The following TTLL7 variants were observed in gnomAD, a reference collection of about 807,000 sequenced individuals.
TTLL7 encodes tubulin tyrosine ligase like 7.
In TTLL7, 53 loss-of-function variants were observed where a neutral mutation model predicts 120.2. The observed-to-expected ratio is 0.44, with a 90% confidence interval of 0.35 to 0.55. TTLL7 has a LOEUF of 0.55. Among genes scored for constraint, TTLL7 ranks in the 20% least tolerant of loss-of-function variants. The pLI, the probability that TTLL7 is intolerant of heterozygous loss-of-function variation, is 0.00. For missense variants in TTLL7, 803 were observed against 1,054.7 expected (o/e 0.76, Z 3.31); for synonymous variants, 353 against 351.7 (o/e 1.00, Z -0.04).
At chr1:83,925,958 T>C (rs1659071465) in intron 10 of TTLL7, among the ~76,000 whole-genome samples, 1 of 151,794 alleles carries the variant, frequency 6.6e-6, no homozygotes, top group Non-Finnish European at 1.5e-5. Flanking sequence ...CCGTCTCTAC[T>C]AAAAATACAA....
At chr1:83,968,582 A>C (rs922483956) in intron 1 of TTLL7, among the ~76,000 whole-genome samples, 3 of 152,084 alleles carry the variant, frequency 2.0e-5, no homozygotes, top group African/African-American at 4.8e-5. Context: ...ACTCAAAGTC[A>C]CCTAGGATAC....
intron 1 of TTLL7, among the ~76,000 whole-genome samples, chr1:83,998,694 C>T (rs1240894380): frequency 6.6e-6 from 1 of 152,056 alleles, no homozygotes; most frequent in Non-Finnish European, 1.5e-5. Context: ...AGCAACTGAC[C>T]CCGTCCCCTC....
chr1:83,955,934 A>C (rs1479573744), intron 1 of TTLL7, among the ~76,000 whole-genome samples: 1 of 152,164 alleles, frequency 6.6e-6, no homozygotes, highest in Non-Finnish European at 1.5e-5. Flanking sequence ...TAGGGAGGTC[A>C]AGGCTGCAGT....
In TTLL7 at chr1:83,929,147, T is replaced by G; in HGVS notation, c.1131A>C (p.Leu377=). 6.2e-7 allele frequency: 1 copy of G among 1,609,548 alleles called. No homozygotes were observed. Among genetic ancestry groups the G allele is most frequent in the Non-Finnish European group, 8.5e-7 (1 of 1,176,876 alleles). The change falls in exon 10 of 21, where the codon CTA becomes CTC. Residue 377 remains leucine, a synonymous_variant. Transcript: ENST00000260505. ...KRGVLLNALK[L]LNIRTSDKRR... ...AGAGAGTATTTTACCTTATGTTTAG[T>G]AGCTTCAACGCATTTAGCAGCACTC...
chr1:83,992,331 A>G (rs1653075668), intron 1 of TTLL7, among the ~76,000 whole-genome samples: 1 of 152,266 alleles, frequency 6.6e-6, no homozygotes, highest in South Asian at 2.1e-4. Context: ...GTTGAAAAGT[A>G]TATCTATTAA....
chr1:83,953,804 G>T (rs1226510724), intron 1 of TTLL7, among the ~76,000 whole-genome samples: 1 of 152,040 alleles, frequency 6.6e-6, no homozygotes, highest in Non-Finnish European at 1.5e-5. Flanking sequence ...CCTATTTTCA[G>T]ACCCCATGCT....
intron 18 of TTLL7, among the ~76,000 whole-genome samples, chr1:83,895,175 T>A (rs892763383): frequency 2.0e-5 from 3 of 152,110 alleles, no homozygotes; most frequent in African/African-American, 4.8e-5. Context: ...TCCTGTTTAA[T>A]TAATGGAGAC....
intron 15 of TTLL7, among the ~76,000 whole-genome samples, chr1:83,908,655 C>T (rs1018977034): frequency 6.6e-6 from 1 of 151,974 alleles, no homozygotes; most frequent in Non-Finnish European, 1.5e-5. Flanking sequence ...TCACTCAATA[C>T]TATCAATATT....
rs1177068095 is a variant in TTLL7, at chr1:83,949,989, G to A, written c.158-3C>T. 2 of 1,606,416 alleles carry A rather than the reference G, an allele frequency of 1.2e-6. No individual in the cohort carries two copies. The highest frequency in any genetic ancestry group is 2.2e-5 in the East Asian group (1 of 44,682). ...CATTTCATCTATTACTAAACGAACT[G>A]CAAGTAAACAGTTAAGTTAAACCAA... On this transcript the variant is annotated splice_region_variant and splice_polypyrimidine_tract_variant and intron_variant, in intron 3 of 20. Transcript: ENST00000260505.
chr1:83,934,357 G>C (rs1647216883), intron 8 of TTLL7, among the ~76,000 whole-genome samples: 1 of 152,142 alleles, frequency 6.6e-6, no homozygotes, highest in African/African-American at 2.4e-5. Context: ...AAGAGATGAG[G>C]GTGACAGGAA....
rs201518672 is a variant in TTLL7, at chr1:83,956,165, T to C, written c.-176-3778A>G. Among the ~76,000 whole-genome samples the C allele has an allele frequency of 7.9e-5, 12 of 152,260 alleles. No individual in the cohort carries two copies. The East Asian group carries it at 2.3e-3, about 29-fold the overall frequency. On this transcript the variant is annotated intron_variant, in intron 1 of 20. Transcript: ENST00000260505. ...ATTGTTTTTTAGAGACAATCATAGC[T>C]CACCGTAATCTTGAACTCTTGGGCT...
chr1:83,889,291 T>G (rs151084735), intron 19 of TTLL7, among the ~76,000 whole-genome samples: 1 of 152,096 alleles, frequency 6.6e-6, no homozygotes, highest in East Asian at 1.9e-4. Flanking sequence ...ACCATCCCCA[T>G]GATTCAATTA....
Position 83,881,126 on chromosome 1 carries a change from A to G in TTLL7, c.2543+1837T>C, listed in dbSNP as rs1374035896. On this transcript the variant is annotated intron_variant, in intron 20 of 20. Coordinates refer to ENST00000260505, the MANE Select transcript of TTLL7 (RefSeq NM_024686.6). Reference sequence around the variant, plus strand: ...TAAAGACTTAAATGTTAGACCTAAAACCATAAAAACCCTAGAAGAAAACCT... The same window carrying G: ...TAAAGACTTAAATGTTAGACCTAAAGCCATAAAAACCCTAGAAGAAAACCT... 4.9e-3 allele frequency among the ~76,000 whole-genome samples: 745 copies of G among 150,690 alleles called. 10 individuals carry two copies. The highest frequency in any genetic ancestry group is 0.017 in the African/African-American group (712 of 41,328).
At chr1:83,922,754 G>C (rs1374865245) in intron 10 of TTLL7, among the ~76,000 whole-genome samples, 1 of 151,106 alleles carries the variant, frequency 6.6e-6, no homozygotes, top group Non-Finnish European at 1.5e-5. Context: ...ATTTTTAAAA[G>C]AGGGCATAAT....
At position 83,921,452 on chromosome 1, in the gene TTLL7, C is replaced by CT. The variant is rs935040628; in HGVS notation, c.1143-59dup. The CT allele has an allele frequency of 9.2e-5, 144 of 1,572,226 alleles. No individual in the cohort carries two copies. The African/African-American group carries it at 1.7e-3, about 19-fold the overall frequency. ...ACTCGAACAAGTTCTGATCTTATCC[C>CT]TGTGAGGAGAATTTGCAGAACAGGA... On this transcript the variant is annotated intron_variant, in intron 10 of 20. Transcript: ENST00000260505.
At chr1:83,992,877 A>AGACT (rs1653137882) in intron 1 of TTLL7, among the ~76,000 whole-genome samples, 3 of 146,984 alleles carry the variant, frequency 2.0e-5, no homozygotes, top group African/African-American at 7.5e-5. Flanking sequence ...AGTTAACTGC[A>AGACT]GACTGACTGG....
At chr1:83,881,930 C>T (rs1159078715) in intron 20 of TTLL7, among the ~76,000 whole-genome samples, 4 of 150,832 alleles carry the variant, frequency 2.7e-5, no homozygotes, top group Non-Finnish European at 4.4e-5. Context: ...GAGTTCATGT[C>T]CTTTGTAGGG....
intron 1 of TTLL7, among the ~76,000 whole-genome samples, chr1:83,998,397 G>C (rs1313663534): frequency 1.3e-5 from 2 of 152,076 alleles, no homozygotes; most frequent in Non-Finnish European, 2.9e-5. Flanking sequence ...TCGAGGGAAC[G>C]CTGCGATGTG....
chr1:83,931,279 A>T (rs2100818285), intron 9 of TTLL7, among the ~76,000 whole-genome samples: 1 of 152,202 alleles, frequency 6.6e-6, no homozygotes, highest in Admixed American at 6.5e-5. Context: ...TGTCCTAAAA[A>T]GTTTTATCAA....
Sources: gnomAD v4.1 joint callset for allele counts (sites outside exome capture counted in the v4.1 genomes callset) on GRCh38, gnomAD v4.1.1 for gene constraint, MANE v1.5 for transcripts, NCBI Gene and HGNC (gene_info 2026-07-23, HGNC 2026-07-21) for gene names.